Variants in F13B observed in about 807,000 individuals in gnomAD.
The protein encoded by F13B is coagulation factor XIII B chain.
A neutral mutation model predicts 79.8 loss-of-function variants in F13B; 58 were observed. The observed-to-expected ratio is 0.73, with a 90% CI of 0.59 to 0.90. The LOEUF is 0.90. F13B is among the 40% of genes least tolerant of loss of function. The pLI is 0.00. For synonymous variants in F13B, 283 were observed against 260.3 expected, an observed-to-expected ratio of 1.09 and a Z score of -0.84; for missense variants, 773 against 777.0, an observed-to-expected ratio of 0.99 and a Z score of 0.06.
intron 8 of F13B, among the ~76,000 whole-genome samples, chr1:197,055,294 A>C (rs1571562473): frequency 1.3e-5 from 2 of 152,120 alleles, no homozygotes; most frequent in South Asian, 4.1e-4. Flanking sequence ...ACTCTATATA[A>C]TATACTCTAT....
Position 197,042,082 on chromosome 1 carries a change from G to A in F13B, c.1739-1347C>T, listed in dbSNP as rs17514424. On this transcript the variant is annotated intron_variant, in intron 10 of 11. Coordinates refer to ENST00000367412, the MANE Select transcript of F13B (RefSeq NM_001994.3). The stretch of plus-strand genomic sequence containing the variant: ...TTATTTCTGAAATTTTCAATTTAAC[G>A]TTTTCAGACTGCAGTTTATAGCAGG... Among the ~76,000 whole-genome samples the A allele has an allele frequency of 4.6e-3, 693 of 152,146 alleles. 3 individuals are homozygous for A. The highest frequency in any genetic ancestry group is 7.6e-3 in the Non-Finnish European group (518 of 67,988).
In F13B at chr1:197,060,425, C is replaced by T. The variant is rs755320586; in HGVS notation, c.746G>A (p.Gly249Glu). ...GTTATAGCATTGAATTAAATCAGATCCACTTAGATAATAATTTTCATGACA... is the reference window on the plus strand; with the variant it reads ...GTTATAGCATTGAATTAAATCAGATTCACTTAGATAATAATTTTCATGACA... The part of the protein sequence containing the change: ...FFCHENYYLS[G>E]SDLIQCYNFG... The change falls in exon 5 of 12, where the codon GGA (glycine) becomes GAA (glutamate). Residue 249 changes from glycine to glutamate, a missense_variant. By Grantham distance (98) the Gly-to-Glu change is moderately conservative. Transcript: ENST00000367412. 1.2e-6 allele frequency: 2 copies of T among 1,611,818 alleles called. No homozygotes were observed. The highest frequency in any genetic ancestry group is 1.7e-6 in the Non-Finnish European group (2 of 1,178,454).
At chr1:197,058,931 G>A (rs952197841) in intron 5 of F13B, among the ~76,000 whole-genome samples, 3 of 152,088 alleles carry the variant, frequency 2.0e-5, no homozygotes, top group African/African-American at 7.2e-5. Flanking sequence ...GGTATAAAAG[G>A]CCTTAAGTAG....
chr1:197,040,752 A>G lies in F13B; in HGVS notation c.1739-17T>C. ...TGCATGGCTCTGGGAACAACAATTTAAAAAAAAAGAAAGAAAAAGAAGAAA... is the reference window on the plus strand; with the variant it reads ...TGCATGGCTCTGGGAACAACAATTTGAAAAAAAAGAAAGAAAAAGAAGAAA... On this transcript the variant is annotated splice_polypyrimidine_tract_variant and intron_variant, in intron 10 of 11. Transcript: ENST00000367412. 2.0e-6 allele frequency: 3 copies of G among 1,495,962 alleles called. No homozygotes were observed. Among genetic ancestry groups the G allele is most frequent in the Middle Eastern group, 1.8e-4 (1 of 5,554 alleles). The allele number at this position is 1,495,962 out of a possible 1,614,324, so 92.7% of individuals were successfully genotyped here.
intron 8 of F13B, among the ~76,000 whole-genome samples, chr1:197,055,218 A>G (rs1463839828): frequency 2.0e-5 from 3 of 152,058 alleles, no homozygotes; most frequent in African/African-American, 7.2e-5. Context: ...ACACTTTTAT[A>G]TAATCAACAA....
intron 10 of F13B, among the ~76,000 whole-genome samples, chr1:197,050,429 C>A (rs1224728901): frequency 2.0e-5 from 3 of 152,028 alleles, no homozygotes; most frequent in Non-Finnish European, 4.4e-5. Flanking sequence ...TTAAAGTTTA[C>A]TCACACCACT....
chr1:197,041,391 AC>A (rs1290300136), intron 10 of F13B, among the ~76,000 whole-genome samples: 5 of 152,212 alleles, frequency 3.3e-5, no homozygotes, highest in East Asian at 1.9e-4. Context: ...ACACAAAAAA[AC>A]CTCTTCGATT....
In F13B at chr1:197,040,515, T is replaced by A. The variant is rs776921502; in HGVS notation, c.1952+7A>T. ...AATAATCTGACCAAAAAAAAAAAAC[T>A]TCTTACCTTTGTCTTGGAATACATC... On this transcript the variant is annotated splice_region_variant and intron_variant, in intron 11 of 11. Transcript: ENST00000367412. 3.8e-6 allele frequency: 6 copies of A among 1,592,258 alleles called. No homozygotes were observed. The highest frequency in any genetic ancestry group is 4.3e-6 in the Non-Finnish European group (5 of 1,164,432).
At chr1:197,046,431 A>C (rs867503413) in intron 10 of F13B, among the ~76,000 whole-genome samples, 1 of 152,310 alleles carries the variant, frequency 6.6e-6, no homozygotes, top group Middle Eastern at 3.4e-3. Context: ...CAAAGAGAAT[A>C]AAATACCTAG....
At position 197,061,785 on chromosome 1, in the gene F13B, A is replaced by AT; in HGVS notation, c.449dup (p.His150GlnfsTer2). The AT allele has an allele frequency of 6.2e-7, 1 of 1,612,546 alleles. No homozygotes were observed. The highest frequency in any genetic ancestry group is 8.5e-7 in the Non-Finnish European group (1 of 1,178,852). On this transcript the variant is annotated frameshift_variant and splice_region_variant, in exon 3 of 12. Transcript: ENST00000367412. LOFTEE classifies it high-confidence loss of function. ...AGTTTTAGGAAATGATTCTTATACC[A>AT]TGTTCTTTCCTACAGGTTGGTTGAG...
intron 5 of F13B, among the ~76,000 whole-genome samples, chr1:197,059,576 T>G (rs1029663533): frequency 1.3e-5 from 2 of 152,210 alleles, no homozygotes; most frequent in African/African-American, 4.8e-5. Flanking sequence ...AAACTGCTAC[T>G]TATCTCTTAA....
chr1:197,040,269 A>C, intron 11 of F13B: 1 of 443,142 alleles, frequency 2.3e-6, no homozygotes, highest in Non-Finnish European at 4.0e-6. Flanking sequence ...AAATTGGTTT[A>C]TTTTTCCATT....
chr1:197,043,592 T>C (rs1161329739), intron 10 of F13B, among the ~76,000 whole-genome samples: 1 of 152,006 alleles, frequency 6.6e-6, no homozygotes, highest in South Asian at 2.1e-4. Context: ...AAAAAGAAAA[T>C]ATAAAATAGA....
chr1:197,042,765 G>A (rs146605817), intron 10 of F13B, among the ~76,000 whole-genome samples: 2,124 of 75,046 alleles, frequency 0.028, 90 homozygotes, highest in East Asian at 0.098. Flanking sequence ...AGGTTGCAGT[G>A]AGCAGGGATC....
At chr1:197,056,930 C>A in intron 7 of F13B, 83 bp downstream of exon 7, 1 of 1,463,050 alleles carries the variant, frequency 6.8e-7, no homozygotes, top group Non-Finnish European at 9.5e-7. Flanking sequence ...TGGTCTTTTC[C>A]TAGGAATATT....
chr1:197,039,651 G>A (rs556185155), intron 11 of F13B, among the ~76,000 whole-genome samples: 1 of 152,036 alleles, frequency 6.6e-6, no homozygotes, highest in East Asian at 1.9e-4. Flanking sequence ...TCTCTTAAAA[G>A]TGAGAAATTC....
chr1:197,055,000 T>G (rs1474828181), intron 8 of F13B, among the ~76,000 whole-genome samples: 1 of 152,026 alleles, frequency 6.6e-6, no homozygotes, highest in East Asian at 1.9e-4. Context: ...AATAAACTGG[T>G]TAAATTACAT....
At chr1:197,043,754 G>A (rs1655125833) in intron 10 of F13B, among the ~76,000 whole-genome samples, 1 of 151,950 alleles carries the variant, frequency 6.6e-6, no homozygotes, top group African/African-American at 2.4e-5. Flanking sequence ...AATTACTACA[G>A]TGAAACAAGA....
intron 5 of F13B, among the ~76,000 whole-genome samples, chr1:197,058,271 T>C (rs1315624702): frequency 6.6e-6 from 1 of 152,210 alleles, no homozygotes; most frequent in Non-Finnish European, 1.5e-5. Context: ...AGCAGATCTG[T>C]TCTTGAACCC....
Sources: gnomAD v4.1 joint callset for allele counts (sites outside exome capture counted in the v4.1 genomes callset) on GRCh38, gnomAD v4.1.1 for gene constraint, MANE v1.5 for transcripts, NCBI Gene and HGNC (gene_info 2026-07-23, HGNC 2026-07-21) for gene names.